The following MSH3 variants were observed in gnomAD, a reference collection of about 807,000 sequenced individuals.
MSH3 encodes the protein DNA mismatch repair protein Msh3.
A neutral mutation model predicts 123.3 loss-of-function variants in MSH3; 106 were observed. The observed-to-expected ratio is 0.86, with a 90% CI of 0.73 to 1.01. The LOEUF (loss-of-function observed/expected upper bound fraction) is 1.01. MSH3 is among the 50% of genes least tolerant of loss of function. The probability of loss-of-function intolerance (pLI) is 0.00; values close to 1 mark genes in which losing one functional copy is unlikely to be tolerated. For missense variants in MSH3, 1,459 were observed against 1,347.6 expected (o/e 1.08, Z -1.29); for synonymous variants, 515 against 481.4 (o/e 1.07, Z -0.91).
chr5:80,727,248 A>T (rs986181395), intron 9 of MSH3, among the ~76,000 whole-genome samples: 4 of 152,206 alleles, frequency 2.6e-5, no homozygotes, highest in Non-Finnish European at 2.9e-5. Flanking sequence ...CATCTTTGTC[A>T]TGTTTTCTGG....
At chr5:80,744,364 C>A in intron 11 of MSH3, 142 bp from the exon 12 acceptor site, 1 of 652,826 alleles carries the variant, frequency 1.5e-6, no homozygotes, top group South Asian at 1.8e-5. Flanking sequence ...TGTATGTATT[C>A]ATCTGTCAAA....
intron 20 of MSH3, among the ~76,000 whole-genome samples, chr5:80,844,642 A>G (rs1355368201): frequency 6.6e-6 from 1 of 151,976 alleles, no homozygotes; most frequent in Non-Finnish European, 1.5e-5. Context: ...TGATCCCTTT[A>G]CCACTGTGTA....
chr5:80,677,881 C>A (rs900254337), intron 7 of MSH3, among the ~76,000 whole-genome samples: 3 of 152,076 alleles, frequency 2.0e-5, no homozygotes, highest in African/African-American at 7.2e-5. Context: ...TTTATTCATT[C>A]CTGTTGATGG....
intron 8 of MSH3, among the ~76,000 whole-genome samples, chr5:80,702,291 G>A (rs1005094752): frequency 3.9e-5 from 6 of 152,110 alleles, no homozygotes; most frequent in African/African-American, 1.2e-4. Flanking sequence ...CACCTCATGG[G>A]AGTGGACATG....
chr5:80,748,359 T>C (rs1409918357), intron 12 of MSH3, among the ~76,000 whole-genome samples: 2 of 152,204 alleles, frequency 1.3e-5, no homozygotes, highest in Admixed American at 6.5e-5. Flanking sequence ...TAATAGTGAC[T>C]TTTAGAAAGT....
intron 3 of MSH3, among the ~76,000 whole-genome samples, chr5:80,667,964 C>T (rs1472985681): frequency 6.6e-6 from 1 of 152,102 alleles, no homozygotes; most frequent in Non-Finnish European, 1.5e-5. Context: ...AGGTTCTTGT[C>T]CTGCTTCCAG....
chr5:80,787,881 A>C (rs1744537724), intron 18 of MSH3, among the ~76,000 whole-genome samples: 1 of 152,198 alleles, frequency 6.6e-6, no homozygotes, highest in Non-Finnish European at 1.5e-5. Context: ...AGCAGATGTT[A>C]AAGTTTATGT....
intron 20 of MSH3, among the ~76,000 whole-genome samples, chr5:80,828,976 C>T (rs955054626): frequency 2.0e-5 from 3 of 152,242 alleles, no homozygotes; most frequent in African/African-American, 7.2e-5. Context: ...GTTCTGAGAT[C>T]TCAGCGAGGT....
At chr5:80,865,025 T>C in intron 22 of MSH3, 83 bp downstream of exon 22, 2 of 1,317,832 alleles carry the variant, frequency 1.5e-6, no homozygotes, top group Non-Finnish European at 1.1e-6. Context: ...AACTTACTGC[T>C]TATTAATAAT....
At chr5:80,735,429 G>C (rs1009444161) in intron 10 of MSH3, among the ~76,000 whole-genome samples, 2 of 148,018 alleles carry the variant, frequency 1.4e-5, no homozygotes, top group African/African-American at 5.0e-5. Flanking sequence ...CTCAACGCCT[G>C]TAATCCCAGC....
intron 20 of MSH3, among the ~76,000 whole-genome samples, chr5:80,831,176 A>G (rs1030039400): frequency 4.6e-5 from 7 of 152,230 alleles, no homozygotes; most frequent in African/African-American, 1.7e-4. Flanking sequence ...AATGTTTTTC[A>G]TATTGCTAGA....
chr5:80,747,165 C>T (rs184185931), intron 12 of MSH3, among the ~76,000 whole-genome samples: 1 of 152,178 alleles, frequency 6.6e-6, no homozygotes, highest in Non-Finnish European at 1.5e-5. Flanking sequence ...GAAAGGCTGC[C>T]TAAACATCTA....
At chr5:80,807,369 TATTAAAC>T (rs1466819238) in intron 19 of MSH3, among the ~76,000 whole-genome samples, 2 of 152,140 alleles carry the variant, frequency 1.3e-5, no homozygotes, top group Non-Finnish European at 2.9e-5. Context: ...ACACTTCTAA[TATTAAAC>T]ATTGAAAAAA....
At chr5:80,808,888 A>G (rs1402272693) in intron 19 of MSH3, among the ~76,000 whole-genome samples, 1 of 16,408 alleles carries the variant, frequency 6.1e-5, no homozygotes, top group African/African-American at 1.7e-4. Flanking sequence ...TATATACACA[A>G]TCTAAATTCG....
At chr5:80,813,485 G>A in intron 19 of MSH3, 99 bp from the exon 20 acceptor site, 1 of 1,218,336 alleles carries the variant, frequency 8.2e-7, no homozygotes, top group Non-Finnish European at 1.2e-6. Context: ...ATGCTACAAA[G>A]TAATGTTTTG....
chr5:80,794,926 A>T (rs574013549), intron 19 of MSH3, among the ~76,000 whole-genome samples: 1 of 152,338 alleles, frequency 6.6e-6, no homozygotes, highest in African/African-American at 2.4e-5. Context: ...CAGAAAGGTC[A>T]GCGCCCAAAT....
At chr5:80,868,218 C>G (rs1746137944) in intron 22 of MSH3, among the ~76,000 whole-genome samples, 1 of 152,052 alleles carries the variant, frequency 6.6e-6, no homozygotes, top group Non-Finnish European at 1.5e-5. Flanking sequence ...GGTGATTCCT[C>G]AAAGACCTGA....
At chr5:80,678,858 A>G (rs1362626824) in intron 7 of MSH3, 69 bp from the exon 8 acceptor site, 9 of 1,543,504 alleles carry the variant, frequency 5.8e-6, no homozygotes, top group East Asian at 2.2e-5. Flanking sequence ...TTCCATGTTT[A>G]TGCTGTGTTA....
rs764649920 is a variant in MSH3 at position 80,787,579 on chromosome 5, A to T, written c.2450A>T (p.His817Leu). The T allele has an allele frequency of 1.9e-6, 3 of 1,613,352 alleles. No individual in the cohort carries two copies. Among genetic ancestry groups the T allele is most frequent in the Non-Finnish European group, 2.5e-6 (3 of 1,179,500 alleles). ...WLDFLEKFSE[H>L]YHSLCKAVHH... ...TGCTTCCGTAGGAAATTCAGTGAAC[A>T]TTATCACTCCTTGTGTAAAGCAGTG... The change falls in exon 18 of 24, where the codon CAT becomes CTT. Residue 817 changes from histidine to leucine, a missense_variant. Transcript: ENST00000265081.
Sources: allele counts gnomAD v4.1 joint callset (sites outside exome capture counted in the v4.1 genomes callset), GRCh38; gene constraint gnomAD v4.1.1; transcripts MANE v1.5; gene names NCBI Gene and HGNC (gene_info 2026-07-23, HGNC 2026-07-21).